The following MYO5A variants were observed in gnomAD, a reference collection of about 807,000 sequenced individuals.
The protein encoded by MYO5A is unconventional myosin-Va.
A neutral mutation model predicts 249.7 loss-of-function variants in MYO5A; 98 were observed. The ratio of observed to expected loss-of-function variants is 0.39; its 90% CI spans 0.33 to 0.46. The LOEUF (loss-of-function observed/expected upper bound fraction) is 0.46, where lower values mean the gene tolerates loss of function less well. Ranked by LOEUF, MYO5A falls within the 20% of genes least tolerant of loss-of-function variation. The probability of loss-of-function intolerance (pLI) is 0.98; values close to 1 mark genes in which losing one functional copy is unlikely to be tolerated. For missense variants in MYO5A, 1,696 were observed against 2,308.8 expected (o/e 0.73, Z 5.44); for synonymous variants, 778 against 810.6 (o/e 0.96, Z 0.68).
At chr15:52,520,784 T>G (rs780647757) in intron 1 of MYO5A, among the ~76,000 whole-genome samples, 5 of 152,208 alleles carry the variant, frequency 3.3e-5, no homozygotes, top group Non-Finnish European at 7.3e-5. Context: ...ATACCATAAC[T>G]TGAAGTGATG....
intron 1 of MYO5A, among the ~76,000 whole-genome samples, chr15:52,439,279 G>GC (rs2075735714): frequency 6.6e-6 from 1 of 152,180 alleles, no homozygotes; most frequent in Non-Finnish European, 1.5e-5. Flanking sequence ...CTGTCATGTA[G>GC]CTGGATTCTG....
intron 1 of MYO5A, among the ~76,000 whole-genome samples, chr15:52,500,047 C>T (rs2077121986): frequency 6.6e-6 from 1 of 152,038 alleles, no homozygotes; most frequent in African/African-American, 2.4e-5. Context: ...AGGAATACTG[C>T]CTCTTAAAAA....
At chr15:52,379,140 C>T (rs2041599265) in intron 18 of MYO5A, among the ~76,000 whole-genome samples, 1 of 152,176 alleles carries the variant, frequency 6.6e-6, no homozygotes, top group South Asian at 2.1e-4. Context: ...ACTCAAAACA[C>T]ACCTCTTTGA....
At chr15:52,501,097 G>GTAGC (rs2077148310) in intron 1 of MYO5A, among the ~76,000 whole-genome samples, 1 of 151,790 alleles carries the variant, frequency 6.6e-6, no homozygotes, top group Non-Finnish European at 1.5e-5. Context: ...AGCCTCCCGA[G>GTAGC]TAGCTGGGAC....
Position 52,443,489 on chromosome 15 carries a change from G to A in MYO5A, c.28-10204C>T, listed in dbSNP as rs1241816500. Among the ~76,000 whole-genome samples, 3 of 151,946 alleles carry A rather than the reference G, an allele frequency of 2.0e-5. No individual in the cohort carries two copies. The East Asian group carries it at 5.8e-4, about 29-fold the overall frequency. On this transcript the variant is annotated intron_variant, in intron 1 of 41. Coordinates refer to ENST00000399233, the MANE Select transcript of MYO5A (RefSeq NM_001382347.1). ...TCACTTTGGGAGGCTGAGGCGGGTA[G>A]ATCACGAGGTTAGGAGTTCGAGACC...
rs536624671 is a variant in MYO5A, at chr15:52,481,318, A to G, written c.27+47462T>C. Among the ~76,000 whole-genome samples the G allele has an allele frequency of 4.3e-4, 66 of 152,356 alleles. 1 individual carries two copies. In the South Asian group the frequency reaches 0.013, roughly 30 times the overall value. ...CAAACAAAGATTGCCTAGAGATTCT[A>G]TAAGATTTTCTATTTTACTTTATAC... On this transcript the variant is annotated intron_variant, in intron 1 of 41. Coordinates refer to ENST00000399233, the MANE Select transcript of MYO5A (RefSeq NM_001382347.1).
chr15:52,345,500 G>A (rs1176024995), intron 30 of MYO5A, among the ~76,000 whole-genome samples: 1 of 151,414 alleles, frequency 6.6e-6, no homozygotes, highest in African/African-American at 2.4e-5. Context: ...CAGGAGAATC[G>A]CTTGAACCTG....
rs1486534281 is a variant in MYO5A at position 52,340,232 on chromosome 15, C to G, written c.4203G>C (p.Leu1401=). The part of the protein sequence containing the change: ...LPPEARIEAS[L]QHEITRLTNE... Reference sequence around the variant, plus strand: ...TGGTCAGCCGGGTGATCTCGTGCTGCAGGCTGGCCTCAATGCGGGCCTCTG... The same window carrying G: ...TGGTCAGCCGGGTGATCTCGTGCTGGAGGCTGGCCTCAATGCGGGCCTCTG... The change falls in exon 32 of 42, where the codon CTG becomes CTC. Residue 1401 remains leucine, a synonymous_variant. Transcript: ENST00000399233. 1 of 1,614,156 alleles carries G rather than the reference C, an allele frequency of 6.2e-7. No homozygotes were observed. Among genetic ancestry groups the G allele is most frequent in the Admixed American group, 1.7e-5 (1 of 60,022 alleles).
At chr15:52,363,530 A>G (rs953860636) in intron 24 of MYO5A, among the ~76,000 whole-genome samples, 6 of 152,166 alleles carry the variant, frequency 3.9e-5, no homozygotes, top group African/African-American at 1.4e-4. Flanking sequence ...GTATTACACA[A>G]TCTCTTTTAT....
intron 1 of MYO5A, among the ~76,000 whole-genome samples, chr15:52,509,477 G>T (rs907143930): frequency 6.6e-6 from 1 of 152,294 alleles, no homozygotes; most frequent in South Asian, 2.1e-4. Context: ...AGCATGATCA[G>T]CTGACAGACA....
chr15:52,494,968 G>T (rs940633886), intron 1 of MYO5A, among the ~76,000 whole-genome samples: 4 of 152,060 alleles, frequency 2.6e-5, no homozygotes, highest in Admixed American at 1.3e-4. Context: ...TGTCCTATTG[G>T]CAAATTAATT....
chr15:52,489,374 T>C (rs536126883), intron 1 of MYO5A, among the ~76,000 whole-genome samples: 106 of 151,384 alleles, frequency 7.0e-4, no homozygotes, highest in Non-Finnish European at 4.6e-4. Flanking sequence ...ACCATCCTGA[T>C]TAACACAGTG....
intron 1 of MYO5A, among the ~76,000 whole-genome samples, chr15:52,494,205 C>T (rs979537109): frequency 6.6e-6 from 1 of 152,188 alleles, no homozygotes; most frequent in South Asian, 2.1e-4. Context: ...ATTAATGACT[C>T]ATCATCAAAA....
chr15:52,327,727 A>G, intron 36 of MYO5A, 125 bp downstream of exon 36: 1 of 1,021,218 alleles, frequency 9.8e-7, no homozygotes, highest in Non-Finnish European at 1.5e-6. Flanking sequence ...ATAGGTAAGT[A>G]AATAAAAATT....
chr15:52,337,719 TG>T, intron 33 of MYO5A, 90 bp downstream of exon 33: 2 of 942,326 alleles, frequency 2.1e-6, no homozygotes, highest in Non-Finnish European at 3.1e-6. Flanking sequence ...AGAGACTTCC[TG>T]GGAGGGGGCA....
chr15:52,372,306 G>A lies in MYO5A; in HGVS notation c.2635C>T (p.Arg879Cys), dbSNP rs539442211. 77 of 1,608,568 alleles carry A rather than the reference G, an allele frequency of 4.8e-5. No homozygotes were observed. In the South Asian group the frequency reaches 4.9e-4, roughly 10 times the overall value. The part of the protein sequence containing the change: ...IQKRVRGWLA[R>C]THYKRSMHAI... ...TGCATGCTCCTCTTGTAGTGTGTGC[G>A]GGCCAGCCAGCCCCGGACTCGCTTC... Residue 879 changes from arginine (R) to cysteine (C), a missense_variant, in exon 21 of 42, where the codon CGC becomes TGC. This residue lies in a region of MYO5A where 412 missense variants were observed against 453.3 expected (regional missense o/e 0.91). Transcript: ENST00000399233.
At chr15:52,450,665 CAA>C (rs543453662) in intron 1 of MYO5A, among the ~76,000 whole-genome samples, 57 of 96,900 alleles carry the variant, frequency 5.9e-4, no homozygotes, top group Admixed American at 6.8e-4. Flanking sequence ...GAACTTGTCT[CAA>C]AAAAAAAAAA....
intron 1 of MYO5A, among the ~76,000 whole-genome samples, chr15:52,453,806 A>T (rs758660727): frequency 3.3e-5 from 5 of 152,160 alleles, no homozygotes; most frequent in Non-Finnish European, 7.4e-5. Flanking sequence ...ATAACTTATT[A>T]TATCTATAAG....
At chr15:52,425,144 A>AT (rs1033779023) in intron 4 of MYO5A, among the ~76,000 whole-genome samples, 12 of 152,010 alleles carry the variant, frequency 7.9e-5, no homozygotes, top group African/African-American at 7.2e-5. Context: ...ATTCAGAAAG[A>AT]TTTTTTTTAC....
Sources: gnomAD v4.1 joint callset for allele counts (sites outside exome capture counted in the v4.1 genomes callset) on GRCh38, gnomAD v4.1.1 for gene constraint, gnomAD v4.1.1 regional missense constraint, MANE v1.5 for transcripts, NCBI Gene and HGNC (gene_info 2026-07-23, HGNC 2026-07-21) for gene names.